Variants in PALLD observed in about 807,000 individuals in gnomAD.
The protein encoded by PALLD is palladin, cytoskeletal associated protein.
Under a neutral mutation model 123.5 loss-of-function variants are expected in PALLD, and 61 were observed. That is an observed-to-expected ratio of 0.49 (90% confidence interval 0.40 to 0.61). The LOEUF is 0.61. PALLD is among the 20% of genes least tolerant of loss of function. The pLI is 0.00. For synonymous variants in PALLD, 465 were observed against 496.4 expected (o/e 0.94, Z 0.84); for missense variants, 1,273 against 1,377.0 (o/e 0.92, Z 1.20).
chr4:168,741,057 G>A (rs1467421570), intron 10 of PALLD, among the ~76,000 whole-genome samples: 2 of 152,164 alleles, frequency 1.3e-5, no homozygotes, highest in Non-Finnish European at 2.9e-5. Flanking sequence ...ATACGGGCTT[G>A]ATTAACTTCA....
chr4:168,857,993 T>C (rs1303825207), intron 10 of PALLD, among the ~76,000 whole-genome samples: 3 of 152,212 alleles, frequency 2.0e-5, no homozygotes, highest in African/African-American at 7.2e-5. Flanking sequence ...AGCCTGTACG[T>C]CACACACATT....
intron 16 of PALLD, among the ~76,000 whole-genome samples, chr4:168,915,528 T>C (rs1285614208): frequency 6.6e-6 from 1 of 152,214 alleles, no homozygotes; most frequent in African/African-American, 2.4e-5. Context: ...AATTTAAAAA[T>C]CACAGTGTAA....
At chr4:168,867,270 A>G (rs1287537022) in intron 10 of PALLD, among the ~76,000 whole-genome samples, 1 of 152,190 alleles carries the variant, frequency 6.6e-6, no homozygotes, top group Non-Finnish European at 1.5e-5. Flanking sequence ...AGCTCTCATC[A>G]CTAGATGTGG....
chr4:168,638,156 C>G (rs1315478494), intron 2 of PALLD, among the ~76,000 whole-genome samples: 1 of 152,122 alleles, frequency 6.6e-6, no homozygotes, highest in Non-Finnish European at 1.5e-5. Flanking sequence ...TACTATGTGT[C>G]AAGCACATAA....
chr4:168,663,319 G>A (rs886593105), intron 2 of PALLD, among the ~76,000 whole-genome samples: 1 of 152,202 alleles, frequency 6.6e-6, no homozygotes, highest in African/African-American at 2.4e-5. Flanking sequence ...AAGGAGCAAG[G>A]GGGAAATGTG....
At position 168,512,182 on chromosome 4, in the gene PALLD, C is replaced by T. The variant is rs7673220; in HGVS notation, c.678C>T (p.Asp226=). 498,446 of 1,613,010 alleles carry T rather than the reference C, an allele frequency of 0.31. 78,940 individuals are homozygous for T. Among genetic ancestry groups the T allele is most frequent in the Non-Finnish European group, 0.33 (384,632 of 1,179,320 alleles). The change falls in exon 2 of 22, where the codon GAC becomes GAT. Residue 226 remains aspartate, a synonymous_variant. Transcript: ENST00000505667. ...CAGCCAGCCAGAGCCCTATGGAAGA[C>T]CAAGGGGAGATGGAAAGAGAGGTCA... is the stretch of plus-strand genomic sequence containing the variant. ...SASASQSPME[D]QGEMEREVKS...
Position 168,928,165 on chromosome 4 carries a change from G to A in PALLD, c.*1985G>A, listed in dbSNP as rs1183128223. ...CCGCACTTATATGCATTGCTAATAT[G>A]GAATTTAAGATACCATACACAGTCT... is the stretch of plus-strand genomic sequence containing the variant. On this transcript the variant is annotated 3_prime_UTR_variant, in exon 22 of 22. Transcript: ENST00000505667. The A allele has an allele frequency of 5.3e-6, 1 of 189,050 alleles. No homozygotes were observed. Among genetic ancestry groups the A allele is most frequent in the Non-Finnish European group, 1.1e-5 (1 of 89,592 alleles). The allele number at this position is 189,050 out of a possible 1,614,324, so 11.7% of individuals were successfully genotyped here.
rs573393817 is a variant in PALLD at position 168,827,735 on chromosome 4, A to G, written c.1965-63187A>G. ...CTCTAAAAAATATAGTAAGAGCTAA[A>G]TCAAGTTTTTAAAAATAACATCAAA... On this transcript the variant is annotated intron_variant, in intron 10 of 21. Transcript: ENST00000505667. Among the ~76,000 whole-genome samples, 8 of 152,326 alleles carry G rather than the reference A, an allele frequency of 5.3e-5. No individual in the cohort carries two copies. The East Asian group carries it at 1.5e-3, about 29-fold the overall frequency.
chr4:168,680,315 TAA>T (rs550083822), intron 3 of PALLD, among the ~76,000 whole-genome samples: 12 of 132,304 alleles, frequency 9.1e-5, no homozygotes, highest in Admixed American at 7.6e-5. Flanking sequence ...CCATCTCTGC[TAA>T]AAAAAAAAAA....
intron 2 of PALLD, among the ~76,000 whole-genome samples, chr4:168,562,767 C>A (rs538027042): frequency 7.1e-4 from 108 of 152,174 alleles, no homozygotes; most frequent in African/African-American, 2.6e-3. Flanking sequence ...AAGAATGGAG[C>A]CGTGTGGGGA....
chr4:168,578,802 C>A (rs1375234804), intron 2 of PALLD, among the ~76,000 whole-genome samples: 1 of 150,122 alleles, frequency 6.7e-6, no homozygotes, highest in African/African-American at 2.4e-5. Flanking sequence ...GATAGATAGT[C>A]CCAGTGCTTA....
Position 168,878,366 on chromosome 4 carries a change from C to T in PALLD, c.1965-12556C>T, listed in dbSNP as rs878854265. 6.6e-7 allele frequency: 1 copy of T among 1,515,720 alleles called. No homozygotes were observed. Among genetic ancestry groups the T allele is most frequent in the African/African-American group, 1.4e-5 (1 of 71,188 alleles). 93.9% of individuals were successfully genotyped at this position (1,515,720 alleles called of 1,614,324 possible). On this transcript the variant is annotated intron_variant, in intron 10 of 21. Transcript: ENST00000505667. ...GCCGCCGCCGGCGGCCGTCAACGCC[C>T]TGGGGCTGCCCAAGGGTGTCACCCC...
chr4:168,733,427 C>T (rs1787373650), intron 10 of PALLD, among the ~76,000 whole-genome samples: 1 of 152,096 alleles, frequency 6.6e-6, no homozygotes, highest in African/African-American at 2.4e-5. Context: ...CTTTCATTAG[C>T]CATTTGACTA....
At chr4:168,598,648 G>T in intron 2 of PALLD, 1 of 322,606 alleles carries the variant, frequency 3.1e-6, no homozygotes, top group East Asian at 9.8e-5. Flanking sequence ...GTTTAGTTAC[G>T]GAACTCTGAA....
intron 10 of PALLD, among the ~76,000 whole-genome samples, chr4:168,793,056 A>AT (rs1168756573): frequency 6.6e-6 from 1 of 151,186 alleles, no homozygotes; most frequent in Non-Finnish European, 1.5e-5. Flanking sequence ...AGTGGGGCGT[A>AT]TTTTTAAATG....
intron 11 of PALLD, among the ~76,000 whole-genome samples, chr4:168,892,275 G>A (rs1177873104): frequency 6.6e-6 from 1 of 152,120 alleles, no homozygotes; most frequent in Non-Finnish European, 1.5e-5. Context: ...ATTGTCACTG[G>A]AAAAATTTGC....
intron 10 of PALLD, among the ~76,000 whole-genome samples, chr4:168,862,971 T>C (rs3890793): frequency 0.084 from 12,827 of 152,148 alleles, 884 homozygotes; most frequent in East Asian, 0.4. Flanking sequence ...TTTTGTGACA[T>C]TGAGAACACG....
intron 10 of PALLD, among the ~76,000 whole-genome samples, chr4:168,759,484 C>T (rs1732517188): frequency 6.6e-6 from 1 of 151,854 alleles, no homozygotes; most frequent in Middle Eastern, 3.2e-3. Flanking sequence ...TTTCAAACCA[C>T]AGTTTTTCCA....
chr4:168,685,810 GAAAAAAAAAAAAA>G (rs70961550), intron 6 of PALLD, among the ~76,000 whole-genome samples: 4 of 65,632 alleles, frequency 6.1e-5, no homozygotes, highest in Non-Finnish European at 1.1e-4. Flanking sequence ...AAGACAGATA[GAAAAAAAAAAAAA>G]AAAAAAAAAA....
Sources: gnomAD v4.1 joint callset for allele counts (sites outside exome capture counted in the v4.1 genomes callset) on GRCh38, gnomAD v4.1.1 for gene constraint, MANE v1.5 for transcripts, NCBI Gene and HGNC (gene_info 2026-07-23, HGNC 2026-07-21) for gene names.